The following MAP1S variants were observed in gnomAD, a reference collection of about 807,000 sequenced individuals.
The protein encoded by MAP1S is microtubule-associated protein 1S.
Under a neutral mutation model 60.9 loss-of-function variants are expected in MAP1S, and 27 were observed. The observed-to-expected ratio is 0.44, with a 90% CI of 0.33 to 0.61. MAP1S has a LOEUF of 0.61. Among genes scored for constraint, MAP1S ranks in the 20% least tolerant of loss-of-function variants. The pLI is 0.03. For missense variants in MAP1S, 1,608 were observed against 1,486.6 expected, an observed-to-expected ratio of 1.08 and a Z score of -1.34; for synonymous variants, 826 against 694.2, an observed-to-expected ratio of 1.19 and a Z score of -2.98.
Position 17,734,437 on chromosome 19 carries a change from C to T in MAP1S, c.*9C>T. ...GCAAGGTGGAGTTCTAGCCCCATCG[C>T]CGACACGCCCCCCACTCAGCCCAGC... On this transcript the variant is annotated 3_prime_UTR_variant, in exon 7 of 7. Transcript: ENST00000324096. 1 of 1,600,578 alleles carries T rather than the reference C, an allele frequency of 6.2e-7. No individual in the cohort carries two copies. Among genetic ancestry groups the T allele is most frequent in the East Asian group, 2.2e-5 (1 of 44,620 alleles).
chr19:17,724,574 C>T (rs1373749306), intron 3 of MAP1S, among the ~76,000 whole-genome samples: 1 of 152,204 alleles, frequency 6.6e-6, no homozygotes, highest in African/African-American at 2.4e-5. Context: ...AGCTTGTGGC[C>T]ATCTGTACTC....
At chr19:17,721,760 C>G (rs1233537392) in intron 2 of MAP1S, among the ~76,000 whole-genome samples, 3 of 152,146 alleles carry the variant, frequency 2.0e-5, no homozygotes, top group African/African-American at 7.2e-5. Context: ...GGGCCCCTTG[C>G]AGGAAGGGAC....
In MAP1S at chr19:17,727,931, C is replaced by G. The variant is rs760619867; in HGVS notation, c.2547C>G (p.Pro849=). Residue 849 remains proline (P), a synonymous_variant, in exon 5 of 7, where the codon CCC becomes CCG. Coordinates refer to ENST00000324096, the MANE Select transcript of MAP1S (RefSeq NM_018174.6). This position sits in a 1 kb window ranked among gnomAD's most constrained non-coding sequence, Gnocchi z 4.1. The stretch of plus-strand genomic sequence containing the variant: ...GCATGGTGGACCCCGAGATGCTGCC[C>G]CCCAAGACAGCACGGCAAACGGAGA... The part of the protein sequence containing the change: ...SICMVDPEML[P]PKTARQTENV... The G allele has an allele frequency of 6.2e-6, 10 of 1,609,602 alleles. No individual in the cohort carries two copies. The South Asian group carries it at 6.6e-5, about 11-fold the overall frequency.
Position 17,728,077 on chromosome 19 carries a change from C to G in MAP1S, c.2693C>G (p.Pro898Arg). The G allele has an allele frequency of 3.1e-6, 5 of 1,612,800 alleles. No individual in the cohort carries two copies. Among genetic ancestry groups the G allele is most frequent in the Non-Finnish European group, 4.2e-6 (5 of 1,179,926 alleles). Reference sequence around the variant, plus strand: ...GCTGGTGGGGACCGTGCCAGCCGACCACTCAGTGCCCGGAGTGAGCCCAGT... The same window carrying G: ...GCTGGTGGGGACCGTGCCAGCCGACGACTCAGTGCCCGGAGTGAGCCCAGT... ...GLAGGDRASR[P>R]LSARSEPSEK... The change falls in exon 5 of 7, where the codon CCA becomes CGA. Residue 898 changes from proline (P) to arginine (R), a missense_variant. Physicochemically the swap from Pro to Arg is moderately radical, Grantham distance 103. This residue lies in a region of MAP1S where 1,167 missense variants were observed against 961.4 expected (regional missense o/e 1.21). Transcript: ENST00000324096.
At position 17,727,801 on chromosome 19, in the gene MAP1S, C is replaced by T. The variant is rs965878171; in HGVS notation, c.2417C>T (p.Ala806Val). ...DSDPVPLAPG[A>V]ADSDEDTEGF... The stretch of plus-strand genomic sequence containing the variant: ...GATCCCGTGCCCCTGGCCCCCGGTG[C>T]GGCAGACTCAGACGAAGACACAGAG... Residue 806 changes from alanine to valine, a missense_variant, in exon 5 of 7, where the codon GCG (alanine) becomes GTG (valine). Ala to Val is a moderately conservative substitution (Grantham distance 64). This residue lies in a region of MAP1S where 1,167 missense variants were observed against 961.4 expected (regional missense o/e 1.21). Transcript: ENST00000324096. This position sits in a 1 kb window ranked among gnomAD's most constrained non-coding sequence, Gnocchi z 4.1. 1.9e-6 allele frequency: 3 copies of T among 1,612,220 alleles called. No individual in the cohort carries two copies. The highest frequency in any genetic ancestry group is 1.1e-5 in the South Asian group (1 of 90,890).
intron 3 of MAP1S, among the ~76,000 whole-genome samples, chr19:17,724,519 G>A (rs1394558541): frequency 1.3e-5 from 2 of 152,256 alleles, no homozygotes; most frequent in South Asian, 2.1e-4. Context: ...GGTTCCCTCC[G>A]GCTAGGCCCC....
chr19:17,726,053 C>T lies in MAP1S; in HGVS notation c.669C>T (p.Pro223=), dbSNP rs375027178. ...YVAESLEPPS[P]FELLEPPTSG... ...CTGAGTCTCTGGAGCCACCGTCCCC[C>T]TTCGAGCTGCTGGAGCCCCCGACCT... Residue 223 remains proline, a synonymous_variant, in exon 5 of 7, where the codon CCC becomes CCT. Transcript: ENST00000324096. The T allele has an allele frequency of 1.9e-5, 31 of 1,613,436 alleles. No homozygotes were observed. The Admixed American group carries it at 4.7e-4, about 24-fold the overall frequency.
At chr19:17,724,934 G>A (rs527693509) in intron 3 of MAP1S, 115 bp from the exon 4 acceptor site, 22 of 1,336,530 alleles carry the variant, frequency 1.6e-5, no homozygotes, top group African/African-American at 1.6e-4. Flanking sequence ...TGGGCTGGTC[G>A]TGGGGTGAGG....
At position 17,727,798 on chromosome 19, in the gene MAP1S, G is replaced by A. The variant is rs1038950777; in HGVS notation, c.2414G>A (p.Gly805Asp). The stretch of plus-strand genomic sequence containing the variant: ...TCGGATCCCGTGCCCCTGGCCCCCG[G>A]TGCGGCAGACTCAGACGAAGACACA... The part of the protein sequence containing the change: ...SDSDPVPLAP[G>D]AADSDEDTEG... Residue 805 changes from glycine to aspartate, a missense_variant, in exon 5 of 7, where the codon GGT becomes GAT. Physicochemically the swap from Gly to Asp is moderately conservative, Grantham distance 94 (BLOSUM62 -1). Coordinates refer to ENST00000324096, the MANE Select transcript of MAP1S (RefSeq NM_018174.6). The surrounding 1 kb of genome is among the most constrained non-coding windows in gnomAD (Gnocchi z 4.1). 1 of 1,612,420 alleles carries A rather than the reference G, an allele frequency of 6.2e-7. No individual in the cohort carries two copies.
At chr19:17,722,927 C>T (rs538666183) in intron 2 of MAP1S, among the ~76,000 whole-genome samples, 3 of 152,174 alleles carry the variant, frequency 2.0e-5, no homozygotes, top group Non-Finnish European at 4.4e-5. Context: ...GGGTCTCTGC[C>T]TCTCAAGACT....
rs60648549 is a variant in MAP1S at position 17,733,712 on chromosome 19, G to A, written c.3024+284G>A. Among the ~76,000 whole-genome samples, 1,128 of 152,302 alleles carry A rather than the reference G, an allele frequency of 7.4e-3. 22 individuals are homozygous for A. Among genetic ancestry groups the A allele is most frequent in the African/African-American group, 0.026 (1,078 of 41,562 alleles). Reference sequence around the variant, plus strand: ...CACCTTGTCACTTAGCCATTGTTCCGCTGTGAGAATTAGTCGGGATGGAAT... The same window carrying A: ...CACCTTGTCACTTAGCCATTGTTCCACTGTGAGAATTAGTCGGGATGGAAT... On this transcript the variant is annotated intron_variant, in intron 6 of 6. Coordinates refer to ENST00000324096, the MANE Select transcript of MAP1S (RefSeq NM_018174.6).
chr19:17,728,008 C>T lies in MAP1S; in HGVS notation c.2624C>T (p.Ala875Val). The change falls in exon 5 of 7, where the codon GCC becomes GTC. Residue 875 changes from alanine (A) to valine (V), a missense_variant. By Grantham distance (64) the Ala-to-Val change is moderately conservative. This residue lies in a region of MAP1S where 1,167 missense variants were observed against 961.4 expected (regional missense o/e 1.21). Coordinates refer to ENST00000324096, the MANE Select transcript of MAP1S (RefSeq NM_018174.6). The stretch of plus-strand genomic sequence containing the variant: ...GCCCGCCCCAACTCACGCGCTGCCG[C>T]CCCCAAAGCCACTCCAGTGGCTGCT... The part of the protein sequence containing the change: ...PLARPNSRAA[A>V]PKATPVAAAK... 1.2e-6 allele frequency: 2 copies of T among 1,611,802 alleles called. No individual in the cohort carries two copies. Among genetic ancestry groups the T allele is most frequent in the Non-Finnish European group, 1.7e-6 (2 of 1,179,318 alleles).
intron 5 of MAP1S, 113 bp downstream of exon 5, chr19:17,728,285 C>G: frequency 1.2e-5 from 14 of 1,211,254 alleles, no homozygotes; most frequent in Non-Finnish European, 1.6e-5. Flanking sequence ...TGGTCTCACT[C>G]TGTCTCTGAG....
At position 17,725,713 on chromosome 19, in the gene MAP1S, A is replaced by AGGGCCCTGAGGAGC; in HGVS notation, c.445-115_445-102dup. 1 of 1,017,804 alleles carries AGGGCCCTGAGGAGC rather than the reference A, an allele frequency of 9.8e-7. No individual in the cohort carries two copies. Among genetic ancestry groups the AGGGCCCTGAGGAGC allele is most frequent in the Non-Finnish European group, 1.4e-6 (1 of 712,800 alleles). 63.0% of individuals were successfully genotyped at this position (1,017,804 alleles called of 1,614,324 possible). A position where few individuals can be genotyped will look rare whatever the true frequency, so the allele number is the denominator to read the frequency against. On this transcript the variant is annotated intron_variant, in intron 4 of 6. Coordinates refer to ENST00000324096, the MANE Select transcript of MAP1S (RefSeq NM_018174.6). This position sits in a 1 kb window ranked among gnomAD's most constrained non-coding sequence, Gnocchi z 4.2. ...CTGGAGAGGGTTGGGTTTTGGCGGGAGGGCCCTGAGGAGCAGGCCCTGGGG... is the reference window on the plus strand; with the variant it reads ...CTGGAGAGGGTTGGGTTTTGGCGGGAGGGCCCTGAGGAGCGGGCCCTGAGGAGCAGGCCCTGGGG...
rs1437780473 is a variant in MAP1S, at chr19:17,726,428, G to C, written c.1044G>C (p.Leu348=). Residue 348 remains leucine (L), a synonymous_variant, in exon 5 of 7, where the codon CTG becomes CTC. Transcript: ENST00000324096. ...FFNACEAASR[L]ARGEDEAELA... ...ACGCCTGCGAGGCCGCGTCGCGGCTGGCGCGCGGCGAGGATGAGGCGGAGC... is the reference window on the plus strand; with the variant it reads ...ACGCCTGCGAGGCCGCGTCGCGGCTCGCGCGCGGCGAGGATGAGGCGGAGC... 6.4e-7 allele frequency: 1 copy of C among 1,563,060 alleles called. No individual in the cohort carries two copies. The highest frequency in any genetic ancestry group is 1.3e-5 in the African/African-American group (1 of 74,440).
intron 1 of MAP1S, chr19:17,720,057 C>G: frequency 9.6e-7 from 1 of 1,040,478 alleles, no homozygotes; most frequent in Non-Finnish European, 1.2e-6. Context: ...GAGGCTGGGC[C>G]TGGAGCCCCG....
Position 17,726,458 on chromosome 19 carries a change from G to A in MAP1S, c.1074G>A (p.Ala358=). 6.4e-7 allele frequency: 1 copy of A among 1,552,614 alleles called. No individual in the cohort carries two copies. The highest frequency in any genetic ancestry group is 8.7e-7 in the Non-Finnish European group (1 of 1,154,952). ...GCGGCGAGGATGAGGCGGAGCTGGC[G>A]CTGAGCCTCCTGGCGCAGCTGGGCA... ...LARGEDEAEL[A]LSLLAQLGIT... Residue 358 remains alanine (A), a synonymous_variant, in exon 5 of 7, where the codon GCG becomes GCA. Transcript: ENST00000324096.
chr19:17,733,178 T>TC lies in MAP1S; in HGVS notation c.2789-9dup, dbSNP rs2080506711. 1.9e-6 allele frequency: 2 copies of TC among 1,038,964 alleles called. No individual in the cohort carries two copies. Among genetic ancestry groups the TC allele is most frequent in the Admixed American group, 2.4e-5 (1 of 42,326 alleles). 64.4% of individuals were successfully genotyped at this position (1,038,964 alleles called of 1,614,324 possible). A position where few individuals can be genotyped will look rare whatever the true frequency, so the allele number is the denominator to read the frequency against. ...CCAGGAGCTCATCCCTGCCTCCCCATCCCCCCGCCCGCAGGGTCAGCCAGC... is the reference window on the plus strand; with the variant it reads ...CCAGGAGCTCATCCCTGCCTCCCCATCCCCCCCGCCCGCAGGGTCAGCCAGC... On this transcript the variant is annotated splice_polypyrimidine_tract_variant and intron_variant, in intron 5 of 6. Transcript: ENST00000324096.
At position 17,727,729 on chromosome 19, in the gene MAP1S, C is replaced by T. The variant is rs1380945130; in HGVS notation, c.2345C>T (p.Thr782Met). 7 of 1,605,780 alleles carry T rather than the reference C, an allele frequency of 4.4e-6. No homozygotes were observed. The Admixed American group carries it at 6.7e-5, about 15-fold the overall frequency. Residue 782 changes from threonine (T) to methionine (M), a missense_variant, in exon 5 of 7, where the codon ACG becomes ATG. Coordinates refer to ENST00000324096, the MANE Select transcript of MAP1S (RefSeq NM_018174.6). The surrounding 1 kb of genome is among the most constrained non-coding windows in gnomAD (Gnocchi z 4.1). ...GCAGGTGGGCTGGGGGCCGAGGAGA[C>T]GCCACCCACATCGGTCAGCGAGTCC... ...ERAGGLGAEE[T>M]PPTSVSESLP...
Sources: gnomAD v4.1 joint callset for allele counts (sites outside exome capture counted in the v4.1 genomes callset) on GRCh38, gnomAD v4.1.1 for gene constraint, gnomAD v4.1.1 regional missense constraint, Gnocchi (gnomAD v3.1) non-coding constraint, MANE v1.5 for transcripts, NCBI Gene and HGNC (gene_info 2026-07-23, HGNC 2026-07-21) for gene names.